Variants in DOCK8 observed in about 807,000 individuals in gnomAD.
DOCK8 encodes the protein dedicator of cytokinesis 8, also known as dedicator of cytokinesis protein 8.
Under a neutral mutation model 245.6 loss-of-function variants are expected in DOCK8, and 141 were observed. The observed-to-expected ratio is 0.57, with a 90% confidence interval of 0.50 to 0.66. DOCK8 has a LOEUF of 0.66. Among genes scored for constraint, DOCK8 ranks in the 30% least tolerant of loss-of-function variants. DOCK8 has a pLI of 0.00. For synonymous variants in DOCK8, 1,168 were observed against 970.2 expected, an observed-to-expected ratio of 1.20 and a Z score of -3.79; for missense variants, 2,965 against 2,603.4, an observed-to-expected ratio of 1.14 and a Z score of -3.02.
chr9:393,305 A>G (rs949851807), intron 24 of DOCK8, among the ~76,000 whole-genome samples: 2 of 151,638 alleles, frequency 1.3e-5, no homozygotes, highest in African/African-American at 4.8e-5. Flanking sequence ...ACAGAATCCC[A>G]ATAATAGTTG....
upstream of DOCK8, among the ~76,000 whole-genome samples, chr9:211,951 T>TG (rs961095718): frequency 1.3e-5 from 2 of 152,126 alleles, no homozygotes; most frequent in Admixed American, 1.3e-4. Context: ...GTAGGGTAGA[T>TG]GGAGAATTTT....
At chr9:258,440 A>G (rs2047832276) in intron 1 of DOCK8, among the ~76,000 whole-genome samples, 1 of 152,216 alleles carries the variant, frequency 6.6e-6, no homozygotes, top group Non-Finnish European at 1.5e-5. Flanking sequence ...TTTTTAATCA[A>G]CAGCATCCAA....
At chr9:264,468 G>T (rs2047991571) in intron 1 of DOCK8, among the ~76,000 whole-genome samples, 1 of 152,192 alleles carries the variant, frequency 6.6e-6, no homozygotes, top group Non-Finnish European at 1.5e-5. Flanking sequence ...TATGGAAGTT[G>T]TACAGTTATG....
At chr9:278,058 G>A (rs1344058590) in intron 2 of DOCK8, among the ~76,000 whole-genome samples, 4 of 152,212 alleles carry the variant, frequency 2.6e-5, no homozygotes, top group African/African-American at 9.6e-5. Context: ...CACTGGAAGG[G>A]ACATGACGGA....
intron 24 of DOCK8, 67 bp from the exon 25 acceptor site, chr9:396,718 C>G: frequency 6.3e-7 from 1 of 1,596,606 alleles, no homozygotes; most frequent in Non-Finnish European, 8.6e-7. Flanking sequence ...AGTCTTTCCC[C>G]CTTTTCTGCA....
intron 29 of DOCK8, among the ~76,000 whole-genome samples, chr9:415,259 T>C (rs2055940046): frequency 6.6e-6 from 1 of 152,192 alleles, no homozygotes. Context: ...GATGAAATAA[T>C]AACAAGATTA....
chr9:403,958 A>ATATATATATATATG (rs1554694156), intron 26 of DOCK8, among the ~76,000 whole-genome samples: 10 of 75,632 alleles, frequency 1.3e-4, no homozygotes, highest in Non-Finnish European at 1.8e-4. Flanking sequence ...ATATATATAT[A>ATATATATATATATG]TGTATATATA....
At chr9:389,350 G>A (rs749448851) in intron 23 of DOCK8, among the ~76,000 whole-genome samples, 3 of 152,196 alleles carry the variant, frequency 2.0e-5, no homozygotes, top group African/African-American at 4.8e-5. Context: ...GACTTGAAGG[G>A]AAGTGAAGAC....
chr9:238,564 A>G (rs1188782724), intron 1 of DOCK8, among the ~76,000 whole-genome samples: 1 of 152,224 alleles, frequency 6.6e-6, no homozygotes, highest in Non-Finnish European at 1.5e-5. Context: ...CACAGAGGTT[A>G]TATGGTAAGT....
At chr9:444,544 C>T (rs559508581) in intron 43 of DOCK8, among the ~76,000 whole-genome samples, 2 of 152,192 alleles carry the variant, frequency 1.3e-5, no homozygotes, top group East Asian at 1.9e-4. Context: ...TCCGCCAAGT[C>T]TCAGTGTCCA....
intron 23 of DOCK8, among the ~76,000 whole-genome samples, chr9:389,014 T>A (rs75651008): frequency 3.0e-4 from 45 of 152,070 alleles, no homozygotes; most frequent in East Asian, 1.9e-3. Context: ...AAAAAAAAAA[T>A]GAGTTTATCT....
At chr9:310,284 A>C (rs924743981) in intron 5 of DOCK8, among the ~76,000 whole-genome samples, 6 of 150,794 alleles carry the variant, frequency 4.0e-5, no homozygotes, top group African/African-American at 1.5e-4. Flanking sequence ...AAAAAAATCC[A>C]ATCTTTCCTA....
At chr9:324,659 A>T (rs2050675536) in intron 7 of DOCK8, among the ~76,000 whole-genome samples, 1 of 151,730 alleles carries the variant, frequency 6.6e-6, no homozygotes, top group Non-Finnish European at 1.5e-5. Flanking sequence ...CAACTCAGCA[A>T]CTCCCCAGTA....
At chr9:453,793 C>G (rs957522101) in intron 46 of DOCK8, among the ~76,000 whole-genome samples, 2 of 152,032 alleles carry the variant, frequency 1.3e-5, no homozygotes, top group Non-Finnish European at 2.9e-5. Context: ...AATTCCTGGG[C>G]TCAGAGATTG....
chr9:408,853 ATTC>A (rs1381317205), intron 28 of DOCK8, among the ~76,000 whole-genome samples: 1 of 146,960 alleles, frequency 6.8e-6, no homozygotes, highest in African/African-American at 2.5e-5. Context: ...AGGTAGATAC[ATTC>A]TTCAAACACA....
intron 28 of DOCK8, among the ~76,000 whole-genome samples, chr9:414,475 G>A (rs1424388637): frequency 1.3e-5 from 2 of 151,862 alleles, no homozygotes; most frequent in Non-Finnish European, 2.9e-5. Context: ...TGGTTTTCCA[G>A]GGTTAGAACA....
At chr9:259,809 C>G (rs551506068) in intron 1 of DOCK8, among the ~76,000 whole-genome samples, 1 of 152,366 alleles carries the variant, frequency 6.6e-6, no homozygotes, top group African/African-American at 2.4e-5. Flanking sequence ...GTCCCAGGAG[C>G]TGCTTTCAAG....
chr9:452,521 CACAG>C (rs1420306039), intron 46 of DOCK8: 1 of 164,490 alleles, frequency 6.1e-6, no homozygotes, highest in African/African-American at 2.4e-5. Context: ...CTTAAGGTCA[CACAG>C]ACAGTTGGCA....
At chr9:429,903 G>A (rs1429190555) in intron 36 of DOCK8, 49 bp downstream of exon 36, 1 of 1,607,824 alleles carries the variant, frequency 6.2e-7, no homozygotes, top group South Asian at 1.1e-5. Flanking sequence ...GAGAAAAATT[G>A]ATGTAAAGCA....
Sources: allele counts gnomAD v4.1 joint callset (sites outside exome capture counted in the v4.1 genomes callset), GRCh38; gene constraint gnomAD v4.1.1; transcripts MANE v1.5; gene names NCBI Gene and HGNC (gene_info 2026-07-23, HGNC 2026-07-21).